The following AUTS2 variants were observed in gnomAD, a reference collection of about 807,000 sequenced individuals.
AUTS2 encodes the protein activator of transcription and developmental regulator AUTS2.
AUTS2 carries 17 observed loss-of-function variants against 112.4 expected under a neutral mutation model. The ratio of observed to expected loss-of-function variants is 0.15; its 90% CI spans 0.10 to 0.23. The LOEUF (loss-of-function observed/expected upper bound fraction) is 0.23, where lower values mean the gene tolerates loss of function less well. AUTS2 is among the 10% of genes least tolerant of loss of function. The pLI is 1.00. For missense variants in AUTS2, 1,510 were observed against 1,701.6 expected (o/e 0.89, Z 1.98); for synonymous variants, 751 against 702.7 (o/e 1.07, Z -1.09).
At chr7:69,602,311 A>G (rs1030962420) in intron 1 of AUTS2, among the ~76,000 whole-genome samples, 2 of 152,044 alleles carry the variant, frequency 1.3e-5, no homozygotes, top group African/African-American at 4.8e-5. Flanking sequence ...TTTTTCTGCT[A>G]CTTTTCTAGA....
At chr7:69,605,060 A>C (rs932277086) in intron 1 of AUTS2, among the ~76,000 whole-genome samples, 4 of 152,266 alleles carry the variant, frequency 2.6e-5, no homozygotes, top group African/African-American at 9.6e-5. Context: ...ATATCAGAGA[A>C]GGCAATGTGT....
rs542244970 is a variant in AUTS2 at position 70,087,790 on chromosome 7, A to G, written c.523-30342A>G. On this transcript the variant is annotated intron_variant, in intron 2 of 18. Transcript: ENST00000342771. ...CTGAAGCAGTTTGTATAGAATTTAT[A>G]TTATTGTTTCCTTAAATGTTTGGTA... Among the ~76,000 whole-genome samples the G allele has an allele frequency of 1.8e-4, 28 of 152,242 alleles. No homozygotes were observed. The South Asian group carries it at 4.8e-3, about 26-fold the overall frequency.
At chr7:70,478,557 A>C (rs563990907) in intron 5 of AUTS2, among the ~76,000 whole-genome samples, 1 of 152,250 alleles carries the variant, frequency 6.6e-6, no homozygotes, top group Admixed American at 6.5e-5. Context: ...ACATTTACCC[A>C]GACCACTCAA....
chr7:69,986,101 A>T (rs1798504787), intron 2 of AUTS2, among the ~76,000 whole-genome samples: 1 of 152,034 alleles, frequency 6.6e-6, no homozygotes, highest in South Asian at 2.1e-4. Context: ...TTTCCTCTGT[A>T]TCTTCTTAAT....
At chr7:69,934,183 C>T (rs958498843) in intron 2 of AUTS2, among the ~76,000 whole-genome samples, 24 of 152,240 alleles carry the variant, frequency 1.6e-4, no homozygotes, top group African/African-American at 5.3e-4. Context: ...ATTGTTTCCA[C>T]TCTATGTTGA....
intron 4 of AUTS2, among the ~76,000 whole-genome samples, chr7:70,145,782 G>A (rs936151466): frequency 6.6e-6 from 1 of 152,054 alleles, no homozygotes; most frequent in Non-Finnish European, 1.5e-5. Context: ...TGCATTGAGT[G>A]TCATTACATT....
intron 1 of AUTS2, among the ~76,000 whole-genome samples, chr7:69,642,156 T>G (rs1350513569): frequency 2.6e-5 from 4 of 152,230 alleles, no homozygotes; most frequent in Admixed American, 2.6e-4. Flanking sequence ...GATACATTTT[T>G]AGGTTAAATG....
chr7:69,725,897 G>C (rs1252535731), intron 1 of AUTS2, among the ~76,000 whole-genome samples: 1 of 152,168 alleles, frequency 6.6e-6, no homozygotes, highest in Admixed American at 6.5e-5. Context: ...GAAAATATTG[G>C]ATATGAACAA....
At chr7:69,641,743 C>CT (rs376084300) in intron 1 of AUTS2, among the ~76,000 whole-genome samples, 5 of 152,280 alleles carry the variant, frequency 3.3e-5, no homozygotes, top group African/African-American at 1.2e-4. Flanking sequence ...ATGAAGTATT[C>CT]TTTCACACAA....
chr7:70,642,120 T>G (rs1805866461), intron 5 of AUTS2, among the ~76,000 whole-genome samples: 1 of 152,216 alleles, frequency 6.6e-6, no homozygotes, highest in Non-Finnish European at 1.5e-5. Flanking sequence ...CCTTTCTAGC[T>G]TTTGCCATCT....
At chr7:70,593,818 A>G (rs1803065352) in intron 5 of AUTS2, among the ~76,000 whole-genome samples, 1 of 152,204 alleles carries the variant, frequency 6.6e-6, no homozygotes, top group Admixed American at 6.5e-5. Context: ...GTCTCACCAC[A>G]GTCAGGACCA....
At chr7:69,617,195 T>G (rs1357739402) in intron 1 of AUTS2, among the ~76,000 whole-genome samples, 2 of 152,086 alleles carry the variant, frequency 1.3e-5, no homozygotes, top group African/African-American at 2.4e-5. Context: ...GAAAAAAAAT[T>G]GATTCCTGGC....
intron 2 of AUTS2, among the ~76,000 whole-genome samples, chr7:70,053,397 C>T (rs991805711): frequency 6.6e-6 from 1 of 152,156 alleles, no homozygotes; most frequent in African/African-American, 2.4e-5. Context: ...GCTACCCTAC[C>T]CTATCCCTGG....
chr7:70,007,264 C>G (rs750189111), intron 2 of AUTS2, among the ~76,000 whole-genome samples: 52 of 152,250 alleles, frequency 3.4e-4, no homozygotes, highest in African/African-American at 4.3e-4. Flanking sequence ...TCTGTCCCCC[C>G]CTAAATCATG....
Position 70,631,232 on chromosome 7 carries a change from A to T in AUTS2, c.691-67337A>T, listed in dbSNP as rs1033946270. On this transcript the variant is annotated intron_variant, in intron 5 of 18. Coordinates refer to ENST00000342771, the MANE Select transcript of AUTS2 (RefSeq NM_015570.4). This position sits in a 1 kb window ranked among gnomAD's most constrained non-coding sequence, Gnocchi z 4.5. ...AGGGGCCAAGAGGGTCCTCAGAGAC[A>T]AACTGTGTTCAGTGTGAGTTAATAC... Among the ~76,000 whole-genome samples the T allele has an allele frequency of 6.6e-6, 1 of 152,318 alleles. No individual in the cohort carries two copies. The highest frequency in any genetic ancestry group is 2.1e-4 in the South Asian group (1 of 4,826).
chr7:69,796,720 TA>T (rs559882917), intron 1 of AUTS2, among the ~76,000 whole-genome samples: 284 of 152,308 alleles, frequency 1.9e-3, no homozygotes, highest in Non-Finnish European at 3.5e-3. Context: ...GCAGTTCTGT[TA>T]TTTTTTTGTT....
intron 2 of AUTS2, among the ~76,000 whole-genome samples, chr7:70,086,180 T>G (rs1238042054): frequency 2.0e-5 from 3 of 152,236 alleles, no homozygotes. Flanking sequence ...TAGAATCACT[T>G]TGTAAATGTA....
intron 2 of AUTS2, among the ~76,000 whole-genome samples, chr7:69,931,593 G>A (rs1796230707): frequency 6.6e-6 from 1 of 152,178 alleles, no homozygotes; most frequent in East Asian, 1.9e-4. Context: ...ATCTCCGTTT[G>A]TGCCATTGTC....
intron 2 of AUTS2, among the ~76,000 whole-genome samples, chr7:69,926,425 A>C (rs577167502): frequency 9.7e-4 from 127 of 130,874 alleles, no homozygotes; most frequent in African/African-American, 4.0e-3. Context: ...TTGCTCTGAA[A>C]TCTATCTGTC....
Sources: gnomAD v4.1 joint callset for allele counts (sites outside exome capture counted in the v4.1 genomes callset) on GRCh38, gnomAD v4.1.1 for gene constraint, Gnocchi (gnomAD v3.1) non-coding constraint, MANE v1.5 for transcripts, NCBI Gene and HGNC (gene_info 2026-07-23, HGNC 2026-07-21) for gene names.